STAU2: variants seen among roughly 807,000 people sequenced by gnomAD.
STAU2 encodes staufen double-stranded RNA binding protein 2.
In STAU2, 20 loss-of-function variants were observed where a neutral mutation model predicts 65.9. That is an observed-to-expected ratio of 0.30 (90% confidence interval 0.21 to 0.44). The LOEUF (loss-of-function observed/expected upper bound fraction) is 0.44. STAU2 is among the 20% of genes least tolerant of loss of function. The pLI is 1.00. For missense variants in STAU2, 558 were observed against 683.9 expected (o/e 0.82, Z 2.05); for synonymous variants, 232 against 233.9 (o/e 0.99, Z 0.07).
intron 6 of STAU2, among the ~76,000 whole-genome samples, chr8:73,620,508 A>G (rs563096189): frequency 1.7e-4 from 26 of 152,202 alleles, no homozygotes; most frequent in Admixed American, 1.4e-3. Context: ...ATATGATGTC[A>G]TAACACATAA....
chr8:73,497,684 C>A (rs1183289628), intron 13 of STAU2, among the ~76,000 whole-genome samples: 1 of 151,778 alleles, frequency 6.6e-6, no homozygotes, highest in Non-Finnish European at 1.5e-5. Context: ...AGGTAAAAAT[C>A]ATACATAATT....
intron 12 of STAU2, among the ~76,000 whole-genome samples, chr8:73,578,507 C>G (rs1809744363): frequency 6.6e-6 from 1 of 152,192 alleles, no homozygotes; most frequent in African/African-American, 2.4e-5. Context: ...TGATATCATT[C>G]TGAAATATTT....
intron 3 of STAU2, among the ~76,000 whole-genome samples, chr8:73,735,950 T>A (rs755918985): frequency 6.6e-6 from 1 of 152,188 alleles, no homozygotes; most frequent in African/African-American, 2.4e-5. Context: ...CAGGTATCCA[T>A]AGAAAGTTAT....
intron 11 of STAU2, among the ~76,000 whole-genome samples, chr8:73,584,843 T>C (rs1810247721): frequency 2.6e-5 from 4 of 152,170 alleles, no homozygotes. Flanking sequence ...TTCCAAGGGA[T>C]GAAAGAAATT....
chr8:73,509,154 A>G (rs1822239961), intron 13 of STAU2, among the ~76,000 whole-genome samples: 1 of 152,120 alleles, frequency 6.6e-6, no homozygotes, highest in African/African-American at 2.4e-5. Flanking sequence ...ATCGTCACCA[A>G]CATTTATTAT....
At chr8:73,601,738 A>T (rs566333499) in intron 10 of STAU2, among the ~76,000 whole-genome samples, 5 of 152,202 alleles carry the variant, frequency 3.3e-5, no homozygotes, top group Non-Finnish European at 7.4e-5. Context: ...ATGAATACCC[A>T]TAAAATGGAA....
chr8:73,505,215 A>C (rs1318393012), intron 13 of STAU2, among the ~76,000 whole-genome samples: 1 of 152,084 alleles, frequency 6.6e-6, no homozygotes, highest in Non-Finnish European at 1.5e-5. Flanking sequence ...AGTGCAGCCC[A>C]GGGCTAAAAA....
chr8:73,665,475 T>C (rs1417878316), intron 6 of STAU2, among the ~76,000 whole-genome samples: 1 of 152,240 alleles, frequency 6.6e-6, no homozygotes, highest in East Asian at 1.9e-4. Context: ...GAATTTAATG[T>C]TGTATACTTG....
intron 13 of STAU2, among the ~76,000 whole-genome samples, chr8:73,536,675 G>A (rs371709732): frequency 1.3e-5 from 2 of 152,116 alleles, no homozygotes; most frequent in Non-Finnish European, 2.9e-5. Flanking sequence ...TGCCAGGGTG[G>A]TGTCAATAGA....
chr8:73,683,739 C>G (rs536712860), intron 5 of STAU2, among the ~76,000 whole-genome samples: 1 of 152,260 alleles, frequency 6.6e-6, no homozygotes, highest in African/African-American at 2.4e-5. Context: ...GCTCCTAGAT[C>G]TGATAAATGA....
intron 13 of STAU2, among the ~76,000 whole-genome samples, chr8:73,434,465 T>C (rs765243932): frequency 6.6e-6 from 1 of 151,872 alleles, no homozygotes; most frequent in East Asian, 1.9e-4. Context: ...ACTCTCCCTG[T>C]CACCTGAACA....
At chr8:73,730,452 T>C (rs1805968050) in intron 3 of STAU2, among the ~76,000 whole-genome samples, 1 of 151,892 alleles carries the variant, frequency 6.6e-6, no homozygotes, top group Admixed American at 6.6e-5. Flanking sequence ...TTTGGCAGGG[T>C]GCAGTGGCTC....
intron 6 of STAU2, among the ~76,000 whole-genome samples, chr8:73,656,971 T>C (rs1816423792): frequency 6.6e-6 from 1 of 152,214 alleles, no homozygotes; most frequent in Non-Finnish European, 1.5e-5. Flanking sequence ...CAAAAAGGTA[T>C]TAATGGCGAA....
intron 13 of STAU2, among the ~76,000 whole-genome samples, chr8:73,481,157 CCTCT>C (rs10554754): frequency 0.39 from 58,475 of 151,586 alleles, 12,763 homozygotes; most frequent in Non-Finnish European, 0.49. Flanking sequence ...TCACTCTCTC[CCTCT>C]GAGTGGGAAC....
intron 11 of STAU2, chr8:73,590,450 C>G (rs990022123): frequency 1.3e-5 from 2 of 152,028 alleles, no homozygotes; most frequent in Non-Finnish European, 2.9e-5. Context: ...CTAAAAGAAA[C>G]AGGAAACCCA....
chr8:73,660,599 G>A (rs1461514899), intron 6 of STAU2, among the ~76,000 whole-genome samples: 1 of 152,186 alleles, frequency 6.6e-6, no homozygotes, highest in African/African-American at 2.4e-5. Context: ...GGGAATGAAC[G>A]CTGAGAAAGC....
chr8:73,699,207 C>A (rs949123268), intron 4 of STAU2, among the ~76,000 whole-genome samples: 1 of 151,870 alleles, frequency 6.6e-6, no homozygotes, highest in African/African-American at 2.4e-5. Flanking sequence ...GCTACACACA[C>A]CTACATCAAA....
chr8:73,436,671 C>T (rs1303301604), intron 13 of STAU2, among the ~76,000 whole-genome samples: 3 of 151,778 alleles, frequency 2.0e-5, no homozygotes, highest in Admixed American at 6.6e-5. Context: ...ACTGCAACCT[C>T]CACCTCCTGG....
At chr8:73,644,454 A>AG (rs1242060712) in intron 6 of STAU2, among the ~76,000 whole-genome samples, 2 of 152,032 alleles carry the variant, frequency 1.3e-5, no homozygotes, top group East Asian at 3.9e-4. Flanking sequence ...CTTAAAAAAA[A>AG]AAAAATGTTA....
Sources: allele counts gnomAD v4.1 joint callset (sites outside exome capture counted in the v4.1 genomes callset), GRCh38; gene constraint gnomAD v4.1.1; transcripts MANE v1.5; gene names NCBI Gene and HGNC (gene_info 2026-07-23, HGNC 2026-07-21).